FOXP2: variants seen among roughly 807,000 people sequenced by gnomAD.
FOXP2 encodes the protein forkhead box P2.
A neutral mutation model predicts 115.8 loss-of-function variants in FOXP2; 12 were observed. The observed-to-expected ratio is 0.10, with a 90% CI of 0.07 to 0.17. The LOEUF (loss-of-function observed/expected upper bound fraction) is 0.17, where lower values mean the gene tolerates loss of function less well. Among genes scored for constraint, FOXP2 ranks in the 10% least tolerant of loss-of-function variants. FOXP2 has a pLI of 1.00. For synonymous variants in FOXP2, 328 were observed against 297.7 expected (o/e 1.10, Z -1.05); for missense variants, 629 against 843.5 (o/e 0.75, Z 3.15).
intron 1 of FOXP2, among the ~76,000 whole-genome samples, chr7:114,422,094 G>A (rs1793648587): frequency 6.6e-6 from 1 of 151,588 alleles, no homozygotes; most frequent in Admixed American, 6.6e-5. Flanking sequence ...GATTAAGGAG[G>A]TATTTAAGAA....
At chr7:114,598,492 T>TG (rs1802843470) in intron 3 of FOXP2, among the ~76,000 whole-genome samples, 1 of 152,144 alleles carries the variant, frequency 6.6e-6, no homozygotes, top group Non-Finnish European at 1.5e-5. Flanking sequence ...TCTCTAATGG[T>TG]GGGCTGCAGG....
chr7:114,538,670 A>G (rs2129279784), intron 3 of FOXP2, among the ~76,000 whole-genome samples: 1 of 151,890 alleles, frequency 6.6e-6, no homozygotes, highest in Admixed American at 6.6e-5. Context: ...GATGAACAAG[A>G]TCTTAAATTC....
chr7:114,356,459 A>G (rs1358794838), intron 2 of FOXP2, among the ~76,000 whole-genome samples: 1 of 152,168 alleles, frequency 6.6e-6, no homozygotes, highest in Non-Finnish European at 1.5e-5. Context: ...AAAATTGAGA[A>G]ATTAAATGAG....
At chr7:114,376,105 A>G (rs940781417) in intron 2 of FOXP2, among the ~76,000 whole-genome samples, 2 of 152,134 alleles carry the variant, frequency 1.3e-5, no homozygotes, top group African/African-American at 2.4e-5. Flanking sequence ...ATGACTCACC[A>G]TCATGTTTCA....
intron 9 of FOXP2, among the ~76,000 whole-genome samples, chr7:114,653,121 C>T (rs1028393797): frequency 3.3e-5 from 5 of 151,940 alleles, no homozygotes; most frequent in African/African-American, 4.8e-5. Flanking sequence ...CGTGTCATTG[C>T]TTTTTTCAGA....
intron 1 of FOXP2, among the ~76,000 whole-genome samples, chr7:114,243,801 G>A (rs1212093633): frequency 1.3e-5 from 2 of 152,096 alleles, no homozygotes; most frequent in Non-Finnish European, 2.9e-5. Context: ...CTTCTGGTAT[G>A]TTTGGACAAC....
intron 2 of FOXP2, among the ~76,000 whole-genome samples, chr7:114,346,595 G>T (rs2049603): frequency 6.6e-6 from 1 of 151,560 alleles, no homozygotes; most frequent in East Asian, 1.9e-4. Context: ...CTATTCAGCC[G>T]TAAAATAGTG....
At chr7:114,171,772 A>T (rs1054567692) in intron 1 of FOXP2, among the ~76,000 whole-genome samples, 1 of 152,204 alleles carries the variant, frequency 6.6e-6, no homozygotes, top group Non-Finnish European at 1.5e-5. Flanking sequence ...GATTCCTCTG[A>T]TGGAACTGGG....
chr7:114,483,235 C>G (rs1796632861), intron 2 of FOXP2, among the ~76,000 whole-genome samples: 1 of 151,486 alleles, frequency 6.6e-6, no homozygotes, highest in African/African-American at 2.4e-5. Context: ...CTACTTTCAC[C>G]CTTTCTTTTC....
intron 2 of FOXP2, among the ~76,000 whole-genome samples, chr7:114,381,794 G>A (rs1412276865): frequency 6.6e-6 from 1 of 152,094 alleles, no homozygotes; most frequent in South Asian, 2.1e-4. Flanking sequence ...TAGGCCTTGG[G>A]CTTTTAGGTC....
At chr7:114,318,418 T>A (rs1797328453) in intron 2 of FOXP2, among the ~76,000 whole-genome samples, 1 of 149,442 alleles carries the variant, frequency 6.7e-6, no homozygotes, top group Admixed American at 6.7e-5. Context: ...ATTTTTATTT[T>A]AAATTCAGAT....
At chr7:114,431,158 G>A (rs1794091207) in intron 2 of FOXP2, among the ~76,000 whole-genome samples, 1 of 151,906 alleles carries the variant, frequency 6.6e-6, no homozygotes, top group Non-Finnish European at 1.5e-5. Context: ...ACAAGAACAT[G>A]TTCAGCTAAT....
chr7:114,393,771 G>A (rs573280546), intron 2 of FOXP2, among the ~76,000 whole-genome samples: 1 of 152,200 alleles, frequency 6.6e-6, no homozygotes, highest in African/African-American at 2.4e-5. Context: ...GTTGTACACA[G>A]GGAATTGATC....
chr7:114,526,172 TAAAAAAAA>T (rs3028251), intron 2 of FOXP2, among the ~76,000 whole-genome samples: 1 of 79,730 alleles, frequency 1.3e-5, no homozygotes, highest in African/African-American at 5.3e-5. Context: ...GTTTCTTTAT[TAAAAAAAA>T]AAAAAAAAAA....
intron 1 of FOXP2, among the ~76,000 whole-genome samples, chr7:114,102,257 A>G (rs535445263): frequency 6.6e-6 from 1 of 152,080 alleles, no homozygotes; most frequent in South Asian, 2.1e-4. Context: ...TTGGAGGATC[A>G]TTATTTTACT....
intron 2 of FOXP2, among the ~76,000 whole-genome samples, chr7:114,484,584 CATTG>C (rs1486727701): frequency 4.6e-5 from 7 of 151,960 alleles, no homozygotes; most frequent in African/African-American, 1.4e-4. Context: ...ATAATAATGA[CATTG>C]ATTGTTCACA....
At position 114,378,684 on chromosome 7, in the gene FOXP2, C is replaced by CAAAAAAAAAAAAAAAAAAAA. The variant is rs398005920; in HGVS notation, c.-10-47801_-10-47800insAAAAAAAAAAAAAAAAAAAA. On this transcript the variant is annotated intron_variant, in intron 2 of 17. Transcript: ENST00000634411. ...GTGAGACAATGTAAGACCCTGTCTC[C>CAAAAAAAAAAAAAAAAAAAA]AAAAAAAAAAAAAAAAAGGAAAAGA... Among the ~76,000 whole-genome samples, 11 of 18,090 alleles carry CAAAAAAAAAAAAAAAAAAAA rather than the reference C, an allele frequency of 6.1e-4. 1 individual carries two copies. The highest frequency in any genetic ancestry group is 2.5e-3 in the East Asian group (1 of 398). The allele number at this position is 18,090 out of a possible 152,430, so 11.9% of individuals were successfully genotyped here.
intron 2 of FOXP2, among the ~76,000 whole-genome samples, chr7:114,503,214 A>AT (rs139187816): frequency 0.011 from 1,696 of 151,906 alleles, 16 homozygotes; most frequent in Middle Eastern, 0.031. Context: ...TTTTTCAATC[A>AT]TTTTTTTGGT....
chr7:114,258,576 TAAAC>T lies in FOXP2; in HGVS notation c.-101-29431_-101-29428del, dbSNP rs758874944. Among the ~76,000 whole-genome samples, 6 of 152,264 alleles carry T rather than the reference TAAAC, an allele frequency of 3.9e-5. No individual in the cohort carries two copies. In the South Asian group the frequency reaches 8.3e-4, roughly 21 times the overall value. On this transcript the variant is annotated intron_variant, in intron 1 of 17. Transcript: ENST00000634411. ...ATTGTAGATATTCACATCCTGAAAT[TAAAC>T]AAACAAACAAAAAACACTATCAGTA... is the stretch of plus-strand genomic sequence containing the variant.
Sources: gnomAD v4.1 joint callset for allele counts (sites outside exome capture counted in the v4.1 genomes callset) on GRCh38, gnomAD v4.1.1 for gene constraint, MANE v1.5 for transcripts, NCBI Gene and HGNC (gene_info 2026-07-23, HGNC 2026-07-21) for gene names.